Variants in SHISA9 observed in about 807,000 individuals in gnomAD.
The protein encoded by SHISA9 is shisa family member 9.
Under a neutral mutation model 38.0 loss-of-function variants are expected in SHISA9, and 13 were observed. The ratio of observed to expected loss-of-function variants is 0.34; its 90% CI spans 0.22 to 0.54. The LOEUF (loss-of-function observed/expected upper bound fraction) is 0.54. Ranked by LOEUF, SHISA9 falls within the 20% of genes least tolerant of loss-of-function variation. SHISA9 has a pLI of 0.91. For missense variants in SHISA9, 538 were observed against 575.8 expected (o/e 0.93, Z 0.67); for synonymous variants, 275 against 242.0 (o/e 1.14, Z -1.27).
chr16:13,207,774 C>T (rs143687520), intron 3 of SHISA9, among the ~76,000 whole-genome samples: 25 of 152,238 alleles, frequency 1.6e-4, no homozygotes, highest in African/African-American at 5.8e-4. Flanking sequence ...AATGTTCTTT[C>T]AAGGGTTCTT....
chr16:13,162,916 A>G (rs1246824037), intron 2 of SHISA9, among the ~76,000 whole-genome samples: 1 of 152,138 alleles, frequency 6.6e-6, no homozygotes, highest in Non-Finnish European at 1.5e-5. Context: ...CTGTTCACCA[A>G]AGGTGGTTCT....
At chr16:12,916,151 C>T (rs1044634923) in intron 1 of SHISA9, among the ~76,000 whole-genome samples, 1 of 151,890 alleles carries the variant, frequency 6.6e-6, no homozygotes, top group African/African-American at 2.4e-5. Flanking sequence ...GGCTCTGTGA[C>T]CTTGAGCAGG....
intron 2 of SHISA9, among the ~76,000 whole-genome samples, chr16:12,979,858 G>T (rs1385850851): frequency 1.3e-5 from 2 of 152,124 alleles, no homozygotes; most frequent in Non-Finnish European, 2.9e-5. Flanking sequence ...AGCTTAGCAT[G>T]CTCTCCCATC....
At chr16:13,559,559 T>A in the SHISA9 span, among the ~76,000 whole-genome samples, 95 of 151,796 alleles carry the variant, frequency 6.3e-4, no homozygotes, top group Admixed American at 2.2e-3. Flanking sequence ...ATATATATAT[T>A]TTTTCTAGAG....
At chr16:13,362,593 T>C in the SHISA9 span, among the ~76,000 whole-genome samples, 1 of 152,174 alleles carries the variant, frequency 6.6e-6, no homozygotes, top group Non-Finnish European at 1.5e-5. Context: ...GTAAGACATG[T>C]GCAAGGAAGT....
chr16:13,244,791 T>C (rs1345394314), downstream of SHISA9, among the ~76,000 whole-genome samples: 2 of 152,232 alleles, frequency 1.3e-5, no homozygotes, highest in African/African-American at 2.4e-5. Context: ...TTTCAAAGTA[T>C]TGATGAGCAC....
the SHISA9 span, among the ~76,000 whole-genome samples, chr16:13,463,963 G>A: frequency 6.6e-5 from 10 of 152,264 alleles, no homozygotes; most frequent in Admixed American, 2.0e-4. Context: ...TCCTAGTTAC[G>A]TTATGCCCAA....
intron 2 of SHISA9, among the ~76,000 whole-genome samples, chr16:13,158,991 C>A (rs1185846387): frequency 6.7e-6 from 1 of 148,476 alleles, no homozygotes; most frequent in Admixed American, 6.7e-5. Context: ...ACCCAGGAGG[C>A]GGAGGTTGCA....
At chr16:13,199,401 T>C (rs1048577206) in intron 2 of SHISA9, among the ~76,000 whole-genome samples, 3 of 152,210 alleles carry the variant, frequency 2.0e-5, no homozygotes, top group African/African-American at 7.2e-5. Context: ...GCATTTTCCA[T>C]CTCGAGGCAA....
At chr16:13,549,266 T>C in the SHISA9 span, among the ~76,000 whole-genome samples, 1 of 152,084 alleles carries the variant, frequency 6.6e-6, no homozygotes, top group Non-Finnish European at 1.5e-5. Context: ...CAAAGTTAGA[T>C]AGGAGGAAAA....
chr16:12,970,469 GTATATATATA>G (rs781120776), intron 2 of SHISA9, among the ~76,000 whole-genome samples: 4 of 24,044 alleles, frequency 1.7e-4, no homozygotes, highest in African/African-American at 5.2e-4. Context: ...ATATGTGTGT[GTATATATATA>G]TATATATATA....
At chr16:13,284,989 G>A in the SHISA9 span, among the ~76,000 whole-genome samples, 1,678 of 152,090 alleles carry the variant, frequency 0.011, 32 homozygotes, top group African/African-American at 0.038. Context: ...CCCCATGTTT[G>A]ATCTTTTTTT....
At chr16:13,274,777 A>T in the SHISA9 span, among the ~76,000 whole-genome samples, 3 of 152,210 alleles carry the variant, frequency 2.0e-5, no homozygotes, top group Admixed American at 6.5e-5. Context: ...TAGCAATGAT[A>T]GCCATCCTTT....
chr16:13,087,967 AGT>A (rs1358444906), intron 2 of SHISA9, among the ~76,000 whole-genome samples: 8 of 152,198 alleles, frequency 5.3e-5, no homozygotes, highest in Non-Finnish European at 1.2e-4. Context: ...CTAACATTTA[AGT>A]CTTTAATCCA....
At chr16:13,243,283 G>A (rs1441619319), downstream of SHISA9, among the ~76,000 whole-genome samples, 3 of 152,020 alleles carry the variant, frequency 2.0e-5, no homozygotes, top group Non-Finnish European at 2.9e-5. Flanking sequence ...TAAGGTCGAG[G>A]ACATGTGTCT....
the SHISA9 span, among the ~76,000 whole-genome samples, chr16:13,436,689 G>T: frequency 2.0e-5 from 3 of 152,106 alleles, no homozygotes; most frequent in African/African-American, 7.2e-5. Context: ...GGTCTGGATT[G>T]GGATCCATTT....
intron 2 of SHISA9, among the ~76,000 whole-genome samples, chr16:13,171,022 C>T (rs533966365): frequency 1.3e-5 from 2 of 152,354 alleles, no homozygotes; most frequent in African/African-American, 4.8e-5. Flanking sequence ...ATTCACCCTT[C>T]TGCAGGCTGT....
chr16:12,928,612 T>C (rs1168738959), intron 2 of SHISA9, among the ~76,000 whole-genome samples: 2 of 152,146 alleles, frequency 1.3e-5, no homozygotes, highest in East Asian at 3.8e-4. Context: ...TTCTCTAGTT[T>C]TGATGCCTCA....
intron 2 of SHISA9, among the ~76,000 whole-genome samples, chr16:13,107,111 A>G (rs2073933108): frequency 6.6e-6 from 1 of 152,034 alleles, no homozygotes; most frequent in Admixed American, 6.6e-5. Context: ...CGAGTGAGGG[A>G]ATGAACAAAA....
Sources: gnomAD v4.1 joint callset for allele counts (sites outside exome capture counted in the v4.1 genomes callset) on GRCh38, gnomAD v4.1.1 for gene constraint, MANE v1.5 for transcripts, NCBI Gene and HGNC (gene_info 2026-07-23, HGNC 2026-07-21) for gene names.